FAM81A: variants seen among roughly 807,000 people sequenced by gnomAD.
The protein encoded by FAM81A is protein FAM81A.
In FAM81A, 19 loss-of-function variants were observed where a neutral mutation model predicts 46.7. The ratio of observed to expected loss-of-function variants is 0.41; its 90% confidence interval spans 0.28 to 0.60. FAM81A has a LOEUF of 0.60. Among genes scored for constraint, FAM81A ranks in the 20% least tolerant of loss-of-function variants. FAM81A has a pLI of 0.34. For synonymous variants in FAM81A, 183 were observed against 152.9 expected, an observed-to-expected ratio of 1.20 and a Z score of -1.45; for missense variants, 377 against 453.5, an observed-to-expected ratio of 0.83 and a Z score of 1.53.
chr15:59,505,267 T>C (rs1031362599), intron 4 of FAM81A, among the ~76,000 whole-genome samples: 22 of 152,054 alleles, frequency 1.4e-4, no homozygotes, highest in African/African-American at 4.8e-4. Context: ...ATCCCAGCAC[T>C]TTGGGAGGCT....
intron 2 of FAM81A, among the ~76,000 whole-genome samples, chr15:59,415,054 G>A (rs1456645894): frequency 6.6e-6 from 1 of 151,278 alleles, no homozygotes; most frequent in Admixed American, 6.6e-5. Flanking sequence ...CTGACCTCAC[G>A]ATCTGCCTGC....
intron 2 of FAM81A, among the ~76,000 whole-genome samples, chr15:59,427,407 C>T (rs1012721755): frequency 2.6e-5 from 4 of 152,032 alleles, no homozygotes; most frequent in Admixed American, 2.0e-4. Flanking sequence ...CACCATGCCT[C>T]GCCTCTTTTA....
At chr15:59,491,470 A>T (rs2081980818) in intron 3 of FAM81A, among the ~76,000 whole-genome samples, 1 of 152,218 alleles carries the variant, frequency 6.6e-6, no homozygotes, top group Non-Finnish European at 1.5e-5. Context: ...TGGGCATTAA[A>T]AAATAGTTAG....
intron 4 of FAM81A, among the ~76,000 whole-genome samples, chr15:59,502,171 CT>C (rs1379863147): frequency 3.4e-5 from 5 of 148,240 alleles, no homozygotes; most frequent in East Asian, 2.0e-4. Context: ...TTTTCTTTTT[CT>C]TTTTTTATTT....
intron 3 of FAM81A, among the ~76,000 whole-genome samples, chr15:59,470,372 T>G (rs1050993760): frequency 5.3e-5 from 8 of 152,218 alleles, no homozygotes; most frequent in African/African-American, 1.9e-4. Context: ...TTTCACATAG[T>G]CCCATATTTC....
chr15:59,405,751 T>A (rs777008881), intron 2 of FAM81A, among the ~76,000 whole-genome samples: 2 of 152,204 alleles, frequency 1.3e-5, no homozygotes, highest in African/African-American at 4.8e-5. Context: ...CAAACCCTCT[T>A]ACTGGCCTTG....
At chr15:59,434,726 C>T (rs1451673393), upstream of FAM81A, among the ~76,000 whole-genome samples, 1 of 152,184 alleles carries the variant, frequency 6.6e-6, no homozygotes, top group African/African-American at 2.4e-5. Context: ...AACACTCCTC[C>T]CAATGGATCT....
chr15:59,458,775 T>C, intron 2 of FAM81A, 129 bp downstream of exon 2: 1 of 839,894 alleles, frequency 1.2e-6, no homozygotes, highest in South Asian at 1.5e-5. Flanking sequence ...TATTGTGTCC[T>C]CTAGCTTTCA....
chr15:59,408,147 T>A (rs1236750361), intron 2 of FAM81A: 1 of 155,954 alleles, frequency 6.4e-6, no homozygotes, highest in Non-Finnish European at 1.4e-5. Flanking sequence ...CTTCTTCCCT[T>A]TTGGCATCTT....
At chr15:59,510,477 G>A (rs1235738414) in intron 6 of FAM81A, among the ~76,000 whole-genome samples, 2 of 151,450 alleles carry the variant, frequency 1.3e-5, no homozygotes, top group Non-Finnish European at 2.9e-5. Flanking sequence ...AATAAATATA[G>A]AAAGATCTTA....
intron 2 of FAM81A, among the ~76,000 whole-genome samples, chr15:59,429,557 C>A (rs1596466979): frequency 6.6e-6 from 1 of 152,158 alleles, no homozygotes; most frequent in South Asian, 2.1e-4. Context: ...TATTATCTCC[C>A]CTTGGAAAAA....
chr15:59,453,872 C>T (rs778875615), intron 1 of FAM81A, among the ~76,000 whole-genome samples: 3 of 152,178 alleles, frequency 2.0e-5, no homozygotes, highest in Non-Finnish European at 4.4e-5. Context: ...GCTACTCCAG[C>T]CAGATCCCAT....
chr15:59,442,487 A>G (rs943109488), intron 1 of FAM81A, among the ~76,000 whole-genome samples: 4 of 151,786 alleles, frequency 2.6e-5, no homozygotes, highest in Non-Finnish European at 5.9e-5. Context: ...CATGGTGGTG[A>G]GCGCCTGTAA....
At chr15:59,408,398 T>A (rs2081106088) in intron 2 of FAM81A, among the ~76,000 whole-genome samples, 1 of 152,206 alleles carries the variant, frequency 6.6e-6, no homozygotes, top group Non-Finnish European at 1.5e-5. Context: ...GATGGCTCCA[T>A]TTAAAATAAA....
chr15:59,410,390 C>T (rs952107285), intron 2 of FAM81A, among the ~76,000 whole-genome samples: 2 of 152,224 alleles, frequency 1.3e-5, no homozygotes, highest in Non-Finnish European at 2.9e-5. Flanking sequence ...TCCAAGGTTA[C>T]AGAGTTAGTA....
rs543577115 is a variant in FAM81A at position 59,463,273 on chromosome 15, G to T, written c.294+3067G>T. On this transcript the variant is annotated intron_variant, in intron 3 of 8. Coordinates refer to ENST00000288228, the MANE Select transcript of FAM81A (RefSeq NM_152450.3). ...TCCTTTTCCCATTTGTCCTTTTGTT[G>T]AAAATCAATTGAACATAAAATATAA... is the stretch of plus-strand genomic sequence containing the variant. Among the ~76,000 whole-genome samples the T allele has an allele frequency of 1.1e-4, 16 of 151,756 alleles. No homozygotes were observed. In the South Asian group the frequency reaches 3.3e-3, roughly 32 times the overall value.
In FAM81A at chr15:59,460,418, T is replaced by C. The variant is rs557716062; in HGVS notation, c.294+212T>C. 79 of 689,296 alleles carry C rather than the reference T, an allele frequency of 1.1e-4. 1 individual carries two copies. In the South Asian group the frequency reaches 1.3e-3, roughly 11 times the overall value. 42.7% of individuals were successfully genotyped at this position (689,296 alleles called of 1,614,324 possible). ...AGTGTTTGATAACAGTTACTGTTAG[T>C]GTTATGTTTAATCTAAATTTACCTT... On this transcript the variant is annotated intron_variant, in intron 3 of 8. Transcript: ENST00000288228. This position sits in a 1 kb window ranked among gnomAD's most constrained non-coding sequence, Gnocchi z 4.4.
chr15:59,469,846 G>T (rs1284882172), intron 3 of FAM81A, among the ~76,000 whole-genome samples: 2 of 152,148 alleles, frequency 1.3e-5, no homozygotes, highest in Non-Finnish European at 2.9e-5. Flanking sequence ...TTTTGCAGTG[G>T]CTGGTACCGG....
At chr15:59,446,895 G>T (rs560881612) in intron 1 of FAM81A, among the ~76,000 whole-genome samples, 1 of 152,170 alleles carries the variant, frequency 6.6e-6, no homozygotes, top group Non-Finnish European at 1.5e-5. Context: ...CTAAACCATA[G>T]TCTTTAAAGC....
Sources: gnomAD v4.1 joint callset for allele counts (sites outside exome capture counted in the v4.1 genomes callset) on GRCh38, gnomAD v4.1.1 for gene constraint, Gnocchi (gnomAD v3.1) non-coding constraint, MANE v1.5 for transcripts, NCBI Gene and HGNC (gene_info 2026-07-23, HGNC 2026-07-21) for gene names.